CSNK2A2IP: variants seen among roughly 807,000 people sequenced by gnomAD.
CSNK2A2IP encodes casein kinase II subunit alpha'-interacting protein.
chr3:88,418,877 C>T, the CSNK2A2IP span, among the ~76,000 whole-genome samples: 40 of 152,268 alleles, frequency 2.6e-4, no homozygotes, highest in African/African-American at 9.4e-4. Flanking sequence ...GCAAGAGAGC[C>T]ATCTGTATTT....
the CSNK2A2IP span, among the ~76,000 whole-genome samples, chr3:88,361,780 T>G: frequency 3.3e-5 from 5 of 152,246 alleles, no homozygotes; most frequent in South Asian, 1.0e-3. Context: ...CTAAACCTTG[T>G]AAGTATATTT....
At chr3:88,393,099 C>A in the CSNK2A2IP span, among the ~76,000 whole-genome samples, 1 of 152,150 alleles carries the variant, frequency 6.6e-6, no homozygotes, top group Non-Finnish European at 1.5e-5. Context: ...TCTGTAGTGA[C>A]AATCGAAGGA....
At chr3:88,355,824 T>C in the CSNK2A2IP span, among the ~76,000 whole-genome samples, 1 of 152,128 alleles carries the variant, frequency 6.6e-6, no homozygotes, top group Non-Finnish European at 1.5e-5. Context: ...AAATGGTCTG[T>C]TTGCTCTTGA....
chr3:88,409,684 T>C, the CSNK2A2IP span, among the ~76,000 whole-genome samples: 3 of 152,070 alleles, frequency 2.0e-5, no homozygotes, highest in Admixed American at 1.3e-4. Context: ...GAGTTGGATA[T>C]GATTTAAGAA....
chr3:88,385,762 T>C, the CSNK2A2IP span, among the ~76,000 whole-genome samples: 17 of 152,310 alleles, frequency 1.1e-4, no homozygotes, highest in African/African-American at 3.1e-4. Context: ...TAGAGAGTCA[T>C]GGAATGTCTA....
chr3:88,391,837 T>C, the CSNK2A2IP span, among the ~76,000 whole-genome samples: 1 of 152,142 alleles, frequency 6.6e-6, no homozygotes, highest in Non-Finnish European at 1.5e-5. Flanking sequence ...GAAGTCATTG[T>C]AATAATTTAT....
chr3:88,369,479 C>T, the CSNK2A2IP span, among the ~76,000 whole-genome samples: 2 of 151,884 alleles, frequency 1.3e-5, no homozygotes, highest in Non-Finnish European at 1.5e-5. Context: ...ACTGCTACAG[C>T]GTCAGGTAGA....
At chr3:88,465,892 G>T in the CSNK2A2IP span, 1 of 1,231,612 alleles carries the variant, frequency 8.1e-7, no homozygotes, top group Non-Finnish European at 1.0e-6. Flanking sequence ...TCATCAAAGA[G>T]TCTCAAGTTC....
the CSNK2A2IP span, among the ~76,000 whole-genome samples, chr3:88,351,072 G>T: frequency 2.0e-5 from 3 of 152,142 alleles, no homozygotes; most frequent in Non-Finnish European, 2.9e-5. Context: ...TAACACTGAT[G>T]AATTAGAAAC....
the CSNK2A2IP span, among the ~76,000 whole-genome samples, chr3:88,396,091 G>A: frequency 6.7e-6 from 1 of 149,950 alleles, no homozygotes; most frequent in African/African-American, 2.4e-5. Context: ...CAATAAAAGA[G>A]GACTACCTAC....
the CSNK2A2IP span, among the ~76,000 whole-genome samples, chr3:88,385,647 GAA>G: frequency 6.6e-6 from 1 of 152,084 alleles, no homozygotes; most frequent in Non-Finnish European, 1.5e-5. Context: ...AAAATAAAAA[GAA>G]AGGGAGAAAT....
the CSNK2A2IP span, among the ~76,000 whole-genome samples, chr3:88,430,835 C>A: frequency 1.4e-4 from 21 of 152,156 alleles, 2 homozygotes; most frequent in East Asian, 4.1e-3. Flanking sequence ...CACATACACC[C>A]CATCCACTGA....
chr3:88,458,141 GTTTTTTTTTTTTT>G, the CSNK2A2IP span, among the ~76,000 whole-genome samples: 2 of 83,304 alleles, frequency 2.4e-5, no homozygotes, highest in Non-Finnish European at 4.5e-5. Context: ...TGTAATTGTG[GTTTTTTTTTTTTT>G]TTTTTTTTTT....
chr3:88,455,875 G>C, the CSNK2A2IP span, among the ~76,000 whole-genome samples: 2 of 150,206 alleles, frequency 1.3e-5, no homozygotes, highest in Non-Finnish European at 3.0e-5. Context: ...ATTGATTTTT[G>C]TGTAAGGTCT....
chr3:88,340,214 A>G, the CSNK2A2IP span, among the ~76,000 whole-genome samples: 1 of 151,938 alleles, frequency 6.6e-6, no homozygotes, highest in Non-Finnish European at 1.5e-5. Context: ...TCTGAGTCTT[A>G]CAGGGTCTTA....
chr3:88,351,083 G>C, the CSNK2A2IP span, among the ~76,000 whole-genome samples: 1 of 152,152 alleles, frequency 6.6e-6, no homozygotes, highest in Non-Finnish European at 1.5e-5. Context: ...AATTAGAAAC[G>C]AGGCAAGGAC....
chr3:88,416,284 A>G, the CSNK2A2IP span, among the ~76,000 whole-genome samples: 2 of 150,682 alleles, frequency 1.3e-5, no homozygotes, highest in South Asian at 2.1e-4. Flanking sequence ...AAAAAAAAAA[A>G]AAAAGAAAAG....
the CSNK2A2IP span, among the ~76,000 whole-genome samples, chr3:88,370,693 A>T: frequency 1.8e-3 from 259 of 146,670 alleles, 2 homozygotes; most frequent in East Asian, 0.048. Flanking sequence ...ATCCATTTTG[A>T]TTCTGCAACT....
chr3:88,407,990 T>A, the CSNK2A2IP span, among the ~76,000 whole-genome samples: 1 of 152,234 alleles, frequency 6.6e-6, no homozygotes, highest in East Asian at 1.9e-4. Context: ...CCCAAAGTGC[T>A]AGGATTACAG....
Sources: allele counts gnomAD v4.1 joint callset (sites outside exome capture counted in the v4.1 genomes callset), GRCh38; gene constraint gnomAD v4.1.1; transcripts MANE v1.5; gene names NCBI Gene and HGNC (gene_info 2026-07-23, HGNC 2026-07-21).